Variants in MRPS9 observed in about 807,000 individuals in gnomAD.
MRPS9 encodes the protein mitochondrial ribosomal protein S9.
MRPS9 carries 45 observed loss-of-function variants against 59.9 expected under a neutral mutation model. The observed-to-expected ratio is 0.75, with a 90% CI of 0.59 to 0.96. MRPS9 has a LOEUF of 0.96. MRPS9 is among the 40% of genes least tolerant of loss of function. The pLI is 0.00. For synonymous variants in MRPS9, 171 were observed against 166.8 expected (o/e 1.03, Z -0.19); for missense variants, 473 against 481.1 (o/e 0.98, Z 0.16).
At chr2:105,044,565 A>G (rs112653421) in intron 1 of MRPS9, among the ~76,000 whole-genome samples, 14 of 152,326 alleles carry the variant, frequency 9.2e-5, no homozygotes, top group African/African-American at 3.4e-4. Flanking sequence ...ATAGCAAATT[A>G]GGGCCATTTT....
At chr2:105,043,213 C>A (rs934932677) in intron 1 of MRPS9, among the ~76,000 whole-genome samples, 1 of 152,016 alleles carries the variant, frequency 6.6e-6, no homozygotes, top group African/African-American at 2.4e-5. Flanking sequence ...AGGGTTTATG[C>A]GTTTTATTTG....
intron 4 of MRPS9, among the ~76,000 whole-genome samples, chr2:105,072,611 G>A (rs1473094737): frequency 2.0e-5 from 3 of 152,198 alleles, no homozygotes; most frequent in African/African-American, 4.8e-5. Flanking sequence ...CAGCAAAAAT[G>A]TGTGGATCTA....
At position 105,084,247 on chromosome 2, in the gene MRPS9, A is replaced by AATATATATATAT. The variant is rs58438490; in HGVS notation, c.489+4196_489+4207dup. ...TGGCCACAGATGAAATATATACCAA[A>AATATATATATAT]ATATATATATATATATATATATGTA... On this transcript the variant is annotated intron_variant, in intron 5 of 10. Coordinates refer to ENST00000258455, the MANE Select transcript of MRPS9 (RefSeq NM_182640.3). Among the ~76,000 whole-genome samples the AATATATATATAT allele has an allele frequency of 2.0e-3, 284 of 139,588 alleles. 6 individuals carry two copies. The highest frequency in any genetic ancestry group is 0.014 in the East Asian group (60 of 4,170). 91.6% of individuals were successfully genotyped at this position (139,588 alleles called of 152,430 possible).
Position 105,071,349 on chromosome 2 carries a change from G to C in MRPS9, c.352G>C (p.Glu118Gln), listed in dbSNP as rs1383030957. 6.2e-7 allele frequency: 1 copy of C among 1,610,162 alleles called. No homozygotes were observed. Among genetic ancestry groups the C allele is most frequent in the East Asian group, 2.2e-5 (1 of 44,800 alleles). ...TTACCTTTTCCCAAGTGGTTTGTTT[G>C]AGAAACGAGCCAGGCCAGTAATGAA... ...IAYLFPSGLF[E>Q]KRARPVMKHP... is the part of the protein sequence containing the mutation. The change falls in exon 3 of 11, where the codon GAG becomes CAG. Residue 118 changes from glutamate to glutamine, a missense_variant. By Grantham distance (29) the Glu-to-Gln change is conservative. Coordinates refer to ENST00000258455, the MANE Select transcript of MRPS9 (RefSeq NM_182640.3).
At chr2:105,052,263 G>T (rs150349324) in intron 2 of MRPS9, among the ~76,000 whole-genome samples, 1 of 152,180 alleles carries the variant, frequency 6.6e-6, no homozygotes, top group Non-Finnish European at 1.5e-5. Context: ...GTTTTTCATG[G>T]GTGCTCTATC....
intron 4 of MRPS9, among the ~76,000 whole-genome samples, chr2:105,079,354 G>C (rs191145953): frequency 2.0e-5 from 3 of 152,054 alleles, no homozygotes; most frequent in Admixed American, 6.6e-5. Context: ...GTTAGCATTC[G>C]TCTTGTTTCT....
intron 4 of MRPS9, among the ~76,000 whole-genome samples, chr2:105,075,143 G>A (rs540518683): frequency 1.3e-5 from 2 of 152,264 alleles, no homozygotes; most frequent in South Asian, 2.1e-4. Context: ...TAGGGTTCAC[G>A]CTCCTATGAG....
intron 2 of MRPS9, among the ~76,000 whole-genome samples, chr2:105,050,962 T>C (rs531593160): frequency 3.9e-5 from 6 of 152,378 alleles, no homozygotes; most frequent in South Asian, 2.1e-4. Context: ...ATTGTATGGA[T>C]ATACCACATT....
In MRPS9 at chr2:105,083,000, C is replaced by T. The variant is rs76910389; in HGVS notation, c.489+2938C>T. 5.7e-3 allele frequency among the ~76,000 whole-genome samples: 872 copies of T among 152,006 alleles called. 9 individuals carry two copies. Among genetic ancestry groups the T allele is most frequent in the Admixed American group, 0.015 (234 of 15,282 alleles). ...AGTTTCTCAATGCATCATTGAGTAC[C>T]ATGAAGGGATCCCCTGCATGGTGGC... is the stretch of plus-strand genomic sequence containing the variant. On this transcript the variant is annotated intron_variant, in intron 5 of 10. Transcript: ENST00000258455.
intron 10 of MRPS9, chr2:105,098,460 C>G (rs1422585897): frequency 6.6e-6 from 1 of 152,170 alleles, no homozygotes; most frequent in Non-Finnish European, 1.5e-5. Flanking sequence ...GCTTAAGGCT[C>G]TTAAAAATCC....
At chr2:105,057,043 A>G (rs892449592) in intron 2 of MRPS9, among the ~76,000 whole-genome samples, 1 of 152,160 alleles carries the variant, frequency 6.6e-6, no homozygotes, top group Non-Finnish European at 1.5e-5. Flanking sequence ...GTGAAAAAGT[A>G]AAGTATTATA....
At chr2:105,039,875 A>G (rs974043178) in intron 1 of MRPS9, among the ~76,000 whole-genome samples, 4 of 152,324 alleles carry the variant, frequency 2.6e-5, no homozygotes, top group East Asian at 1.9e-4. Context: ...CTCCTTGACC[A>G]TTCTTGAAAC....
rs202077550 is a variant in MRPS9 at position 105,080,018 on chromosome 2, T to G, written c.445T>G (p.Tyr149Asp). 2.0e-4 allele frequency: 329 copies of G among 1,611,804 alleles called. No individual in the cohort carries two copies. The highest frequency in any genetic ancestry group is 2.6e-4 in the Non-Finnish European group (309 of 1,179,024). The change falls in exon 5 of 11, where the codon TAT becomes GAT. Residue 149 changes from tyrosine to aspartate, a missense_variant. Coordinates refer to ENST00000258455, the MANE Select transcript of MRPS9 (RefSeq NM_182640.3). ...QWGEDGRPFH[Y>D]LFYTGKQSYY... Reference sequence around the variant, plus strand: ...GGGAGAAGATGGCCGTCCATTTCACTATCTCTTCTATACTGGCAAACAGTC... The same window carrying G: ...GGGAGAAGATGGCCGTCCATTTCACGATCTCTTCTATACTGGCAAACAGTC...
chr2:105,076,463 A>C (rs1680214587), intron 4 of MRPS9, among the ~76,000 whole-genome samples: 1 of 152,256 alleles, frequency 6.6e-6, no homozygotes, highest in Admixed American at 6.5e-5. Context: ...AATTCCAACT[A>C]TACAAATACA....
intron 2 of MRPS9, among the ~76,000 whole-genome samples, chr2:105,064,784 A>G (rs1265865712): frequency 6.6e-6 from 1 of 152,244 alleles, no homozygotes; most frequent in African/African-American, 2.4e-5. Flanking sequence ...ACAAACAGCA[A>G]TGTGTTAAGT....
chr2:105,086,955 T>C (rs1680459981), intron 5 of MRPS9, among the ~76,000 whole-genome samples: 1 of 152,110 alleles, frequency 6.6e-6, no homozygotes, highest in South Asian at 2.1e-4. Flanking sequence ...ATTCAGGTCA[T>C]TTGAGAATTG....
intron 7 of MRPS9, chr2:105,091,238 A>C (rs905434165): frequency 8.5e-6 from 4 of 469,384 alleles, no homozygotes; most frequent in African/African-American, 8.0e-5. Flanking sequence ...GCTGGTATCA[A>C]GATGAGGGAT....
intron 2 of MRPS9, among the ~76,000 whole-genome samples, chr2:105,061,116 A>G (rs965899121): frequency 7.4e-4 from 112 of 150,736 alleles, no homozygotes; most frequent in African/African-American, 2.6e-3. Context: ...TCTCAAAAAA[A>G]AAAAAAAAAA....
At chr2:105,097,657 T>C (rs1272555995) in intron 10 of MRPS9, among the ~76,000 whole-genome samples, 1 of 152,226 alleles carries the variant, frequency 6.6e-6, no homozygotes, top group Non-Finnish European at 1.5e-5. Context: ...TAGTTATATT[T>C]AAGAGACAAA....
Sources: gnomAD v4.1 joint callset for allele counts (sites outside exome capture counted in the v4.1 genomes callset) on GRCh38, gnomAD v4.1.1 for gene constraint, MANE v1.5 for transcripts, NCBI Gene and HGNC (gene_info 2026-07-23, HGNC 2026-07-21) for gene names.